Variants in SOX6 observed in about 807,000 individuals in gnomAD.
SOX6 encodes SRY-box transcription factor 6, also known as transcription factor SOX-6.
A neutral mutation model predicts 97.8 loss-of-function variants in SOX6; 11 were observed. That is an observed-to-expected ratio of 0.11 (90% CI 0.07 to 0.19). SOX6 has a LOEUF of 0.19. Among genes scored for constraint, SOX6 ranks in the 10% least tolerant of loss-of-function variants. The pLI is 1.00. For synonymous variants in SOX6, 360 were observed against 371.4 expected (o/e 0.97, Z 0.35); for missense variants, 810 against 1,039.5 (o/e 0.78, Z 3.04).
At chr11:16,373,577 G>A (rs1857549999) in intron 1 of SOX6, among the ~76,000 whole-genome samples, 1 of 151,964 alleles carries the variant, frequency 6.6e-6, no homozygotes, top group Non-Finnish European at 1.5e-5. Context: ...TATCACACTT[G>A]AGAATTTAAT....
chr11:16,113,261 C>T (rs1053016271), intron 6 of SOX6, among the ~76,000 whole-genome samples: 30 of 152,290 alleles, frequency 2.0e-4, no homozygotes, highest in African/African-American at 7.0e-4. Flanking sequence ...AAAATAAACA[C>T]TTTACAGGAT....
intron 1 of SOX6, among the ~76,000 whole-genome samples, chr11:16,420,201 A>G (rs969037431): frequency 7.2e-5 from 11 of 152,198 alleles, no homozygotes; most frequent in Admixed American, 2.6e-4. Flanking sequence ...ATAAATTGAG[A>G]GAAAGGTCAA....
chr11:16,254,285 G>T (rs774798459), intron 3 of SOX6, among the ~76,000 whole-genome samples: 7 of 151,896 alleles, frequency 4.6e-5, no homozygotes, highest in Non-Finnish European at 1.0e-4. Flanking sequence ...ATTAATAAAA[G>T]AAAACTCTAT....
intron 2 of SOX6, 60 bp from the exon 3 acceptor site, chr11:16,318,713 GA>G: frequency 2.1e-6 from 3 of 1,463,350 alleles, no homozygotes; most frequent in Non-Finnish European, 2.8e-6. Context: ...TGCTACTGGA[GA>G]AAAAAATCCC....
intron 3 of SOX6, among the ~76,000 whole-genome samples, chr11:16,647,701 G>A (rs1219440143): frequency 6.6e-6 from 1 of 152,182 alleles, no homozygotes; most frequent in African/African-American, 2.4e-5. Context: ...GTGTGAGACA[G>A]GGGACCTACC....
intron 3 of SOX6, among the ~76,000 whole-genome samples, chr11:16,301,205 C>T (rs1340006581): frequency 6.6e-6 from 1 of 152,122 alleles, no homozygotes; most frequent in Non-Finnish European, 1.5e-5. Flanking sequence ...TCTATTACTC[C>T]TTGACATATA....
intron 3 of SOX6, among the ~76,000 whole-genome samples, chr11:16,663,323 A>AT (rs60915793): frequency 2.0e-5 from 3 of 151,532 alleles, no homozygotes; most frequent in Non-Finnish European, 4.4e-5. Context: ...GTAAGGCTAT[A>AT]TTTTTTTTTC....
Position 16,725,737 on chromosome 11 carries a change from T to G in SOX6, n.353+10602A>C, listed in dbSNP as rs1848302054. ...CTCATTTGGATGAAGAAAGAAAAAT[T>G]CAGTTAGCTAAGGATTTAAGTCAAC... On this transcript the variant is annotated intron_variant and non_coding_transcript_variant, in intron 2 of 5. Coordinates refer to the SOX6 transcript ENST00000524520. Among the ~76,000 whole-genome samples, 3 of 152,276 alleles carry G rather than the reference T, an allele frequency of 2.0e-5. No individual in the cohort carries two copies. In the East Asian group the frequency reaches 5.8e-4, roughly 29 times the overall value.
At chr11:16,735,943 A>C (rs1848387694) in intron 2 of SOX6, among the ~76,000 whole-genome samples, 1 of 152,134 alleles carries the variant, frequency 6.6e-6, no homozygotes, top group South Asian at 2.1e-4. Flanking sequence ...GGTTGAGAGC[A>C]CGTACTCGAC....
At chr11:16,597,781 T>C (rs776591128) in intron 4 of SOX6, among the ~76,000 whole-genome samples, 6 of 152,046 alleles carry the variant, frequency 3.9e-5, no homozygotes, top group Non-Finnish European at 5.9e-5. Context: ...CAATACTATA[T>C]AGCAATGACA....
At chr11:16,294,792 G>T (rs1359087009) in intron 3 of SOX6, among the ~76,000 whole-genome samples, 1 of 151,944 alleles carries the variant, frequency 6.6e-6, no homozygotes, top group East Asian at 1.9e-4. Flanking sequence ...AATGTCTTCT[G>T]AATTGTTTAA....
intron 1 of SOX6, among the ~76,000 whole-genome samples, chr11:16,371,466 CTTT>C (rs145034253): frequency 6.6e-6 from 1 of 151,364 alleles, no homozygotes; most frequent in African/African-American, 2.4e-5. Context: ...CTTACTTTTT[CTTT>C]TTTTTAAAAA....
At chr11:16,154,843 G>A (rs1589979919) in intron 6 of SOX6, among the ~76,000 whole-genome samples, 1 of 151,916 alleles carries the variant, frequency 6.6e-6, no homozygotes, top group Non-Finnish European at 1.5e-5. Context: ...GCATTTCCTG[G>A]GCAACCAGTC....
chr11:16,152,673 G>A (rs1850487559), intron 6 of SOX6, among the ~76,000 whole-genome samples: 1 of 151,830 alleles, frequency 6.6e-6, no homozygotes, highest in Non-Finnish European at 1.5e-5. Context: ...CTAGCTTCAT[G>A]TTTTTAGACA....
chr11:16,062,885 G>A (rs1257682775), intron 9 of SOX6, among the ~76,000 whole-genome samples: 3 of 151,644 alleles, frequency 2.0e-5, no homozygotes, highest in South Asian at 2.1e-4. Context: ...AATCATTTAG[G>A]TTAGTCTGAC....
chr11:16,042,459 T>G (rs1855697221), intron 12 of SOX6, among the ~76,000 whole-genome samples: 1 of 152,176 alleles, frequency 6.6e-6, no homozygotes, highest in African/African-American at 2.4e-5. Flanking sequence ...TATTACCTGC[T>G]TTATTTCATC....
intron 3 of SOX6, among the ~76,000 whole-genome samples, chr11:16,635,390 G>A (rs1848769840): frequency 6.6e-6 from 1 of 152,230 alleles, no homozygotes; most frequent in Non-Finnish European, 1.5e-5. Context: ...CTCTTGCTGT[G>A]CAAAGACAGA....
intron 3 of SOX6, among the ~76,000 whole-genome samples, chr11:16,714,046 C>A (rs1848199703): frequency 6.6e-6 from 1 of 152,148 alleles, no homozygotes; most frequent in Admixed American, 6.6e-5. Context: ...ATCTATGCCT[C>A]CATTTAACTC....
chr11:15,979,600 T>C (rs896473560), intron 15 of SOX6, among the ~76,000 whole-genome samples: 1 of 152,128 alleles, frequency 6.6e-6, no homozygotes, highest in African/African-American at 2.4e-5. Context: ...TTAAAAGTCT[T>C]TTCTACTATT....
Sources: gnomAD v4.1 joint callset for allele counts (sites outside exome capture counted in the v4.1 genomes callset) on GRCh38, gnomAD v4.1.1 for gene constraint, MANE v1.5 for transcripts, NCBI Gene and HGNC (gene_info 2026-07-23, HGNC 2026-07-21) for gene names.